Variants in CCSER1 observed in about 807,000 individuals in gnomAD.
The protein encoded by CCSER1 is coiled-coil serine rich protein 1.
A neutral mutation model predicts 82.0 loss-of-function variants in CCSER1; 41 were observed. That is an observed-to-expected ratio of 0.50 (90% CI 0.39 to 0.65). CCSER1 has a LOEUF of 0.65. Ranked by LOEUF, CCSER1 falls within the 30% of genes least tolerant of loss-of-function variation. The pLI is 0.00. For synonymous variants in CCSER1, 414 were observed against 383.9 expected (o/e 1.08, Z -0.92); for missense variants, 1,119 against 1,064.2 (o/e 1.05, Z -0.72).
chr4:91,460,904 T>G lies in CCSER1; in HGVS notation c.2218-137668T>G, dbSNP rs1002299169. ...TTGGGGATGGAAAGAAAAGGAAAAT[T>G]TATTCTTACTCTAACCTTTGGAATG... On this transcript the variant is annotated intron_variant, in intron 10 of 10. Transcript: ENST00000509176. 2.6e-5 allele frequency among the ~76,000 whole-genome samples: 4 copies of G among 152,222 alleles called. No individual in the cohort carries two copies. The East Asian group carries it at 7.7e-4, about 29-fold the overall frequency.
At chr4:90,621,858 G>C (rs542514827) in intron 5 of CCSER1, among the ~76,000 whole-genome samples, 1 of 152,198 alleles carries the variant, frequency 6.6e-6, no homozygotes, top group Non-Finnish European at 1.5e-5. Flanking sequence ...GTCTGTGGCA[G>C]ATCTTCTCCT....
At chr4:90,502,486 A>G (rs1047452857) in intron 5 of CCSER1, among the ~76,000 whole-genome samples, 2 of 152,180 alleles carry the variant, frequency 1.3e-5, no homozygotes, top group African/African-American at 4.8e-5. Flanking sequence ...GAGCCAAACT[A>G]TATCACTAAA....
chr4:90,154,349 C>T (rs1236170682), intron 1 of CCSER1, among the ~76,000 whole-genome samples: 6 of 152,272 alleles, frequency 3.9e-5, no homozygotes, highest in East Asian at 1.9e-4. Flanking sequence ...TTAGGATTGA[C>T]GTGGCGATGC....
At chr4:90,867,919 A>G (rs924810435) in intron 8 of CCSER1, among the ~76,000 whole-genome samples, 5 of 152,062 alleles carry the variant, frequency 3.3e-5, no homozygotes, top group Non-Finnish European at 5.9e-5. Flanking sequence ...GTGTATATGC[A>G]TAACATTGTT....
intron 10 of CCSER1, among the ~76,000 whole-genome samples, chr4:91,524,244 C>T (rs1307420633): frequency 2.0e-5 from 3 of 152,262 alleles, no homozygotes; most frequent in East Asian, 3.9e-4. Flanking sequence ...CATTTTGTGA[C>T]ATTGTTAACA....
intron 10 of CCSER1, among the ~76,000 whole-genome samples, chr4:91,108,349 T>C (rs1054125726): frequency 6.6e-6 from 1 of 152,186 alleles, no homozygotes; most frequent in Admixed American, 6.5e-5. Flanking sequence ...TAGTCACAAA[T>C]AGAACTTTGA....
intron 10 of CCSER1, among the ~76,000 whole-genome samples, chr4:91,463,736 T>C (rs1756666527): frequency 1.3e-5 from 2 of 152,098 alleles, no homozygotes; most frequent in South Asian, 2.1e-4. Context: ...ATTCGATCAA[T>C]GGGAAGAAAG....
chr4:90,726,042 T>C (rs1743581773), intron 7 of CCSER1, among the ~76,000 whole-genome samples: 1 of 151,958 alleles, frequency 6.6e-6, no homozygotes, highest in Non-Finnish European at 1.5e-5. Flanking sequence ...CAATCCACCC[T>C]AACATTAGAA....
intron 10 of CCSER1, among the ~76,000 whole-genome samples, chr4:91,430,959 G>A (rs1754262986): frequency 6.6e-6 from 1 of 152,158 alleles, no homozygotes; most frequent in Admixed American, 6.5e-5. Context: ...TAGCTTGGCC[G>A]GGCGTGGTGG....
At chr4:91,092,098 A>G (rs1180328550) in intron 10 of CCSER1, among the ~76,000 whole-genome samples, 12 of 152,182 alleles carry the variant, frequency 7.9e-5, no homozygotes, top group Non-Finnish European at 1.5e-5. Context: ...GCCTGTATCC[A>G]TTTTAATCCT....
In CCSER1 at chr4:90,732,736, A is replaced by T. The variant is rs183010462; in HGVS notation, c.2010+8745A>T. The stretch of plus-strand genomic sequence containing the variant: ...TATTAATTTGTTCTCTATCTCCATC[A>T]GTTTAATTATTGTAATATTTAGCTC... On this transcript the variant is annotated intron_variant, in intron 7 of 10. Transcript: ENST00000509176. 1.1e-4 allele frequency among the ~76,000 whole-genome samples: 17 copies of T among 152,266 alleles called. No individual in the cohort carries two copies. In the East Asian group the frequency reaches 3.1e-3, roughly 28 times the overall value.
At chr4:90,261,064 G>A (rs1167806351) in intron 1 of CCSER1, among the ~76,000 whole-genome samples, 1 of 151,994 alleles carries the variant, frequency 6.6e-6, no homozygotes, top group Non-Finnish European at 1.5e-5. Context: ...CCTTTTAAGT[G>A]GAGCATTTAG....
intron 10 of CCSER1, among the ~76,000 whole-genome samples, chr4:91,567,688 G>T (rs944004659): frequency 4.0e-5 from 6 of 151,692 alleles, no homozygotes; most frequent in African/African-American, 1.5e-4. Context: ...CTGAAATAAG[G>T]ATTACTACCC....
At chr4:90,214,551 G>GACATT (rs561404556) in intron 1 of CCSER1, among the ~76,000 whole-genome samples, 28,686 of 151,962 alleles carry the variant, frequency 0.19, 3,058 homozygotes, top group South Asian at 0.28. Flanking sequence ...TTGACATCAT[G>GACATT]TAGCCATGCA....
intron 9 of CCSER1, among the ~76,000 whole-genome samples, chr4:91,034,447 C>A (rs570167959): frequency 1.4e-4 from 22 of 152,244 alleles, no homozygotes; most frequent in African/African-American, 3.4e-4. Flanking sequence ...CTTGATTCTT[C>A]CAATGAGAAG....
rs779772422 is a variant in CCSER1 at position 90,605,079 on chromosome 4, G to A, written c.1725-22946G>A. On this transcript the variant is annotated intron_variant, in intron 5 of 10. Coordinates refer to ENST00000509176, the MANE Select transcript of CCSER1 (RefSeq NM_001145065.2). ...GCTGCTGACTCTTTGGGTTTGAGCC[G>A]CCTTTATGAGCTGTAATGTTCACCA... Among the ~76,000 whole-genome samples, 114 of 152,282 alleles carry A rather than the reference G, an allele frequency of 7.5e-4. 2 individuals are homozygous for A. The highest frequency in any genetic ancestry group is 7.2e-4 in the Admixed American group (11 of 15,300).
intron 10 of CCSER1, among the ~76,000 whole-genome samples, chr4:91,537,257 T>G (rs557484077): frequency 2.2e-4 from 33 of 152,196 alleles, no homozygotes; most frequent in African/African-American, 7.9e-4. Context: ...GCTAGTATAA[T>G]AAGTGAGATT....
intron 8 of CCSER1, among the ~76,000 whole-genome samples, chr4:90,845,693 T>C (rs778812703): frequency 5.3e-5 from 8 of 152,154 alleles, no homozygotes; most frequent in Non-Finnish European, 8.8e-5. Context: ...ATTAAATATA[T>C]TTGTTAGTTA....
chr4:90,142,579 G>A (rs1724993401), intron 1 of CCSER1, among the ~76,000 whole-genome samples: 1 of 151,580 alleles, frequency 6.6e-6, no homozygotes, highest in Non-Finnish European at 1.5e-5. Flanking sequence ...TACTAATACA[G>A]GCAAATGCAC....
Sources: allele counts gnomAD v4.1 joint callset (sites outside exome capture counted in the v4.1 genomes callset), GRCh38; gene constraint gnomAD v4.1.1; transcripts MANE v1.5; gene names NCBI Gene and HGNC (gene_info 2026-07-23, HGNC 2026-07-21).